The following PLEKHA7 variants were observed in gnomAD, a reference collection of about 807,000 sequenced individuals.
PLEKHA7 encodes pleckstrin homology domain-containing family A member 7.
PLEKHA7 carries 104 observed loss-of-function variants against 170.0 expected under a neutral mutation model. The ratio of observed to expected loss-of-function variants is 0.61; its 90% CI spans 0.52 to 0.72. The LOEUF (loss-of-function observed/expected upper bound fraction) is 0.72. Ranked by LOEUF, PLEKHA7 falls within the 30% of genes least tolerant of loss-of-function variation. The pLI is 0.00. For missense variants in PLEKHA7, 1,615 were observed against 1,671.7 expected (o/e 0.97, Z 0.59); for synonymous variants, 648 against 660.8 (o/e 0.98, Z 0.30).
intron 5 of PLEKHA7, chr11:16,855,491 A>C: frequency 3.1e-6 from 1 of 322,366 alleles, no homozygotes; most frequent in Non-Finnish European, 5.7e-6. Flanking sequence ...ATGTCACCAA[A>C]TCTCTCCAGG....
At chr11:16,859,130 C>T (rs1853722435) in intron 4 of PLEKHA7, among the ~76,000 whole-genome samples, 1 of 152,192 alleles carries the variant, frequency 6.6e-6, no homozygotes, top group Non-Finnish European at 1.5e-5. Flanking sequence ...ATGTCTTCAC[C>T]AAGGCCCCCC....
chr11:16,908,075 T>G (rs920538432), intron 3 of PLEKHA7, among the ~76,000 whole-genome samples: 47 of 151,772 alleles, frequency 3.1e-4, no homozygotes, highest in African/African-American at 1.1e-3. Context: ...GCATGCTCGT[T>G]AAGAGTCATC....
At chr11:16,902,169 A>G (rs1857384620) in intron 3 of PLEKHA7, among the ~76,000 whole-genome samples, 1 of 152,240 alleles carries the variant, frequency 6.6e-6, no homozygotes, top group Non-Finnish European at 1.5e-5. Context: ...TGTAGCATGT[A>G]CCAGTACTTC....
chr11:17,010,933 G>A (rs2137134769), intron 3 of PLEKHA7, among the ~76,000 whole-genome samples: 1 of 152,346 alleles, frequency 6.6e-6, no homozygotes, highest in East Asian at 1.9e-4. Context: ...TGTCACAGAA[G>A]GACGTCAGAA....
chr11:16,877,616 G>C (rs1485825481), intron 3 of PLEKHA7, among the ~76,000 whole-genome samples: 1 of 152,178 alleles, frequency 6.6e-6, no homozygotes, highest in Non-Finnish European at 1.5e-5. Flanking sequence ...ATTTGCAACA[G>C]CTCACTGCAC....
chr11:17,001,438 T>C (rs956176915), intron 3 of PLEKHA7, among the ~76,000 whole-genome samples: 2 of 152,132 alleles, frequency 1.3e-5, no homozygotes, highest in Non-Finnish European at 2.9e-5. Context: ...GAAGATATGA[T>C]TGTTGCAAAG....
chr11:16,857,283 G>A (rs1853544339), intron 4 of PLEKHA7, among the ~76,000 whole-genome samples: 1 of 152,210 alleles, frequency 6.6e-6, no homozygotes, highest in South Asian at 2.1e-4. Context: ...CCAAAGGGCT[G>A]GGCCCTGTCG....
At chr11:16,980,751 G>A (rs1011665015) in intron 3 of PLEKHA7, among the ~76,000 whole-genome samples, 5 of 151,928 alleles carry the variant, frequency 3.3e-5, no homozygotes, top group South Asian at 2.1e-4. Context: ...AAGAAACCCC[G>A]TCTCTACTAA....
intron 3 of PLEKHA7, among the ~76,000 whole-genome samples, chr11:17,012,479 T>C (rs551508721): frequency 6.6e-6 from 1 of 152,342 alleles, no homozygotes; most frequent in South Asian, 2.1e-4. Context: ...CTTTAAATGT[T>C]GCCTATTCAG....
intron 3 of PLEKHA7, among the ~76,000 whole-genome samples, chr11:16,892,616 C>CTTT (rs1479729633): frequency 8.4e-5 from 7 of 82,854 alleles, no homozygotes; most frequent in Admixed American, 3.8e-4. Flanking sequence ...CAGCTTCCAG[C>CTTT]TTCTTTTTTT....
At chr11:16,904,382 G>A (rs1857522737) in intron 3 of PLEKHA7, among the ~76,000 whole-genome samples, 1 of 152,266 alleles carries the variant, frequency 6.6e-6, no homozygotes, top group East Asian at 1.9e-4. Flanking sequence ...TGGAAACTAT[G>A]AAGTAATGGT....
chr11:16,796,003 C>T lies in PLEKHA7; in HGVS notation c.2410-985G>A, dbSNP rs189714336. Among the ~76,000 whole-genome samples, 375 of 151,856 alleles carry T rather than the reference C, an allele frequency of 2.5e-3. 1 individual carries two copies. The highest frequency in any genetic ancestry group is 8.9e-3 in the African/African-American group (370 of 41,434). On this transcript the variant is annotated intron_variant, in intron 17 of 26. Coordinates refer to ENST00000531066, the MANE Select transcript of PLEKHA7 (RefSeq NM_001329630.2). The stretch of plus-strand genomic sequence containing the variant: ...CCCAACCAGGTAGCTGAATTACAGG[C>T]GCCCACCACCACATCTGGCTAATTC...
chr11:16,876,220 C>A (rs1304445890), intron 3 of PLEKHA7, among the ~76,000 whole-genome samples: 1 of 152,226 alleles, frequency 6.6e-6, no homozygotes, highest in African/African-American at 2.4e-5. Flanking sequence ...ACAGACACAT[C>A]CCCTGAAATA....
rs574240061 is a variant in PLEKHA7, at chr11:16,966,058, C to T, written c.221+47931G>A. 4.6e-5 allele frequency among the ~76,000 whole-genome samples: 7 copies of T among 152,266 alleles called. No individual in the cohort carries two copies. The South Asian group carries it at 1.5e-3, about 32-fold the overall frequency. ...ATTACCCAGGAGTGGTGGCGCGTGC[C>T]TATAGTCCCAGTTACTCGGGAGGCT... is the stretch of plus-strand genomic sequence containing the variant. On this transcript the variant is annotated intron_variant, in intron 3 of 26. Transcript: ENST00000531066.
chr11:16,867,694 G>A (rs1854503300), intron 4 of PLEKHA7, among the ~76,000 whole-genome samples: 1 of 152,046 alleles, frequency 6.6e-6, no homozygotes, highest in Non-Finnish European at 1.5e-5. Flanking sequence ...TAGGTAATTG[G>A]TTGCAGCCCC....
At chr11:16,841,468 C>T in intron 9 of PLEKHA7, 79 bp downstream of exon 9, 1 of 1,462,938 alleles carries the variant, frequency 6.8e-7, no homozygotes, top group Non-Finnish European at 9.3e-7. Flanking sequence ...AATGGAATCT[C>T]AGGCACCCAA....
chr11:16,847,101 T>TC (rs1440367157), intron 8 of PLEKHA7, among the ~76,000 whole-genome samples: 1 of 138,622 alleles, frequency 7.2e-6, no homozygotes, highest in African/African-American at 2.7e-5. Context: ...TTTTTTTTTT[T>TC]TTTTTTTTTT....
At chr11:16,828,574 A>C (rs1182978049) in intron 9 of PLEKHA7, among the ~76,000 whole-genome samples, 1 of 152,094 alleles carries the variant, frequency 6.6e-6, no homozygotes, top group Non-Finnish European at 1.5e-5. Flanking sequence ...TTTCCATGGA[A>C]ACCCCAAGCT....
At chr11:16,788,462 G>A (rs1448813375) in intron 23 of PLEKHA7, 1 of 153,064 alleles carries the variant, frequency 6.5e-6, no homozygotes, top group Non-Finnish European at 1.5e-5. Context: ...TAGAGGTTTA[G>A]GGAAACATGG....
Sources: gnomAD v4.1 joint callset for allele counts (sites outside exome capture counted in the v4.1 genomes callset) on GRCh38, gnomAD v4.1.1 for gene constraint, MANE v1.5 for transcripts, NCBI Gene and HGNC (gene_info 2026-07-23, HGNC 2026-07-21) for gene names.